The following ST6GALNAC5 variants were observed in gnomAD, a reference collection of about 807,000 sequenced individuals.
ST6GALNAC5 encodes the protein alpha-N-acetylgalactosaminide alpha-2,6-sialyltransferase 5.
In ST6GALNAC5, 27 loss-of-function variants were observed where a neutral mutation model predicts 33.6. That is an observed-to-expected ratio of 0.80 (90% CI 0.59 to 1.11). The LOEUF (loss-of-function observed/expected upper bound fraction) is 1.11, where lower values mean the gene tolerates loss of function less well. Among genes scored for constraint, ST6GALNAC5 ranks in the 50% least tolerant of loss-of-function variants. ST6GALNAC5 has a pLI of 0.00. For synonymous variants in ST6GALNAC5, 194 were observed against 171.2 expected (o/e 1.13, Z -1.04); for missense variants, 428 against 454.0 (o/e 0.94, Z 0.52).
intron 2 of ST6GALNAC5, among the ~76,000 whole-genome samples, chr1:76,933,020 C>T (rs1038191575): frequency 7.9e-5 from 12 of 152,076 alleles, no homozygotes; most frequent in African/African-American, 2.2e-4. Flanking sequence ...CATCCCTCAT[C>T]GTTCTCTGAG....
intron 2 of ST6GALNAC5, among the ~76,000 whole-genome samples, chr1:77,008,213 T>C (rs1286286110): frequency 6.6e-6 from 1 of 152,200 alleles, no homozygotes; most frequent in Non-Finnish European, 1.5e-5. Flanking sequence ...TAAAACTCAC[T>C]TCATGCACAA....
At chr1:76,958,715 G>T (rs1302321998) in intron 2 of ST6GALNAC5, among the ~76,000 whole-genome samples, 1 of 151,894 alleles carries the variant, frequency 6.6e-6, no homozygotes, top group African/African-American at 2.4e-5. Flanking sequence ...CATGATCATG[G>T]TATCTCCCCT....
At chr1:76,953,414 T>A (rs1256957126) in intron 2 of ST6GALNAC5, among the ~76,000 whole-genome samples, 1 of 152,186 alleles carries the variant, frequency 6.6e-6, no homozygotes, top group Non-Finnish European at 1.5e-5. Flanking sequence ...TAATTTGCAT[T>A]CTCTAATGGA....
At chr1:76,869,775 A>G (rs1653455611) in intron 2 of ST6GALNAC5, among the ~76,000 whole-genome samples, 1 of 152,224 alleles carries the variant, frequency 6.6e-6, no homozygotes, top group African/African-American at 2.4e-5. Context: ...AATGCTAAGG[A>G]TTTGAAAGGT....
At chr1:76,975,301 T>C (rs1053083936) in intron 2 of ST6GALNAC5, among the ~76,000 whole-genome samples, 1 of 152,146 alleles carries the variant, frequency 6.6e-6, no homozygotes, top group African/African-American at 2.4e-5. Context: ...TTTGGATCAT[T>C]CAAATGATTT....
intron 2 of ST6GALNAC5, among the ~76,000 whole-genome samples, chr1:77,036,281 T>C (rs370473747): frequency 6.6e-6 from 1 of 152,212 alleles, no homozygotes; most frequent in Non-Finnish European, 1.5e-5. Flanking sequence ...ACAGTGACTA[T>C]AAATGGACAT....
At chr1:77,021,906 G>A (rs1651067042) in intron 2 of ST6GALNAC5, among the ~76,000 whole-genome samples, 1 of 152,156 alleles carries the variant, frequency 6.6e-6, no homozygotes, top group South Asian at 2.1e-4. Context: ...AGGCTTAAGG[G>A]GAAATTTGAG....
intron 2 of ST6GALNAC5, among the ~76,000 whole-genome samples, chr1:76,904,644 G>A (rs990496162): frequency 2.0e-5 from 3 of 152,028 alleles, no homozygotes; most frequent in Non-Finnish European, 2.9e-5. Context: ...GGCCAACATG[G>A]CGAAACCCCA....
chr1:76,968,482 A>G (rs973644525), intron 2 of ST6GALNAC5, among the ~76,000 whole-genome samples: 17 of 152,150 alleles, frequency 1.1e-4, no homozygotes, highest in African/African-American at 4.1e-4. Flanking sequence ...GTCTCTGCAC[A>G]TGAGATGGGT....
rs565967677 is a variant in ST6GALNAC5 at position 77,065,368 on chromosome 1, C to T, written c.*2162C>T. On this transcript the variant is annotated 3_prime_UTR_variant, in exon 5 of 5. Transcript: ENST00000477717. ...TTTTAGATTTTCTTTATTAAAAAAA[C>T]CATCATGGTAGCTCCATCTCGTTTG... 10 of 152,056 alleles carry T rather than the reference C, an allele frequency of 6.6e-5. No individual in the cohort carries two copies. The highest frequency in any genetic ancestry group is 2.6e-4 in the Admixed American group (4 of 15,258). 9.4% of individuals were successfully genotyped at this position (152,056 alleles called of 1,614,324 possible). A position where few individuals can be genotyped will look rare whatever the true frequency, so the allele number is the denominator to read the frequency against.
chr1:76,879,527 C>G (rs750392359), intron 2 of ST6GALNAC5, among the ~76,000 whole-genome samples: 7 of 152,202 alleles, frequency 4.6e-5, no homozygotes. Context: ...GGGTCACACT[C>G]TCAACCTCAT....
intron 2 of ST6GALNAC5, among the ~76,000 whole-genome samples, chr1:76,900,333 G>T (rs901484227): frequency 2.1e-5 from 3 of 143,692 alleles, no homozygotes; most frequent in African/African-American, 7.4e-5. Flanking sequence ...ATCTGGATGT[G>T]TACGTGCAGG....
At chr1:77,018,366 A>G (rs916081357) in intron 2 of ST6GALNAC5, among the ~76,000 whole-genome samples, 6 of 152,220 alleles carry the variant, frequency 3.9e-5, no homozygotes, top group African/African-American at 1.4e-4. Context: ...AGTACTCACC[A>G]TGCACGAGGC....
At chr1:76,912,486 C>A (rs1273767850) in intron 2 of ST6GALNAC5, among the ~76,000 whole-genome samples, 3 of 151,904 alleles carry the variant, frequency 2.0e-5, no homozygotes, top group Non-Finnish European at 4.4e-5. Flanking sequence ...TCCTTGTTAA[C>A]TTTCTGTCTC....
intron 2 of ST6GALNAC5, among the ~76,000 whole-genome samples, chr1:77,007,692 G>T (rs1011441443): frequency 6.6e-6 from 1 of 152,246 alleles, no homozygotes; most frequent in Admixed American, 6.5e-5. Flanking sequence ...CCAGAAGGCA[G>T]ATGCAAACCT....
chr1:76,934,923 T>C (rs1211048875), intron 2 of ST6GALNAC5, among the ~76,000 whole-genome samples: 1 of 152,106 alleles, frequency 6.6e-6, no homozygotes, highest in African/African-American at 2.4e-5. Context: ...AAAAGCTATA[T>C]ACAGATTCAC....
intron 2 of ST6GALNAC5, among the ~76,000 whole-genome samples, chr1:76,884,435 G>A (rs1428061231): frequency 2.0e-5 from 3 of 151,690 alleles, no homozygotes; most frequent in African/African-American, 7.2e-5. Flanking sequence ...GGTGACAACA[G>A]GAATTAAACT....
chr1:76,991,439 A>G (rs1335424681), intron 2 of ST6GALNAC5, among the ~76,000 whole-genome samples: 1 of 152,196 alleles, frequency 6.6e-6, no homozygotes, highest in African/African-American at 2.4e-5. Context: ...TTATTTCAAT[A>G]TGCACACTCT....
At chr1:76,976,290 G>A (rs1649007653) in intron 2 of ST6GALNAC5, among the ~76,000 whole-genome samples, 2 of 152,010 alleles carry the variant, frequency 1.3e-5, no homozygotes, top group South Asian at 4.2e-4. Flanking sequence ...CTCCATATGT[G>A]CATATTGCAT....
Sources: gnomAD v4.1 joint callset for allele counts (sites outside exome capture counted in the v4.1 genomes callset) on GRCh38, gnomAD v4.1.1 for gene constraint, MANE v1.5 for transcripts, NCBI Gene and HGNC (gene_info 2026-07-23, HGNC 2026-07-21) for gene names.